The following PDE3A variants were observed in gnomAD, a reference collection of about 807,000 sequenced individuals.
The protein encoded by PDE3A is phosphodiesterase 3A.
A neutral mutation model predicts 98.3 loss-of-function variants in PDE3A; 43 were observed. That is an observed-to-expected ratio of 0.44 (90% CI 0.34 to 0.56). The LOEUF is 0.56. Ranked by LOEUF, PDE3A falls within the 20% of genes least tolerant of loss-of-function variation. The pLI, the probability that PDE3A is intolerant of heterozygous loss-of-function variation, is 0.01. For missense variants in PDE3A, 1,427 were observed against 1,440.7 expected, an observed-to-expected ratio of 0.99 and a Z score of 0.15; for synonymous variants, 663 against 567.9, an observed-to-expected ratio of 1.17 and a Z score of -2.38.
intron 1 of PDE3A, among the ~76,000 whole-genome samples, chr12:20,463,935 A>G (rs1945297334): frequency 1.3e-5 from 2 of 152,142 alleles, no homozygotes; most frequent in South Asian, 4.1e-4. Context: ...AACGAAGACC[A>G]TATGGTATAA....
Position 20,680,225 on chromosome 12 carries a change from G to A in PDE3A, c.3380G>A (p.Gly1127Glu), listed in dbSNP as rs2120495961. ...QAIKEEEEEK[G>E]KPRGEEIPTQ... ...ATCAAGGAAGAAGAAGAAGAGAAAG[G>A]GAAACCAAGAGGCGAGGAGATACCA... The change falls in exon 16 of 16, where the codon GGG (glycine) becomes GAG (glutamate). Residue 1127 changes from glycine to glutamate, a missense_variant. Physicochemically the swap from Gly to Glu is moderately conservative, Grantham distance 98. Coordinates refer to ENST00000359062, the MANE Select transcript of PDE3A (RefSeq NM_000921.5). 6.2e-7 allele frequency: 1 copy of A among 1,613,848 alleles called. No homozygotes were observed. Among genetic ancestry groups the A allele is most frequent in the Non-Finnish European group, 8.5e-7 (1 of 1,179,876 alleles).
At chr12:20,678,531 A>G (rs970957795) in intron 15 of PDE3A, among the ~76,000 whole-genome samples, 1 of 152,180 alleles carries the variant, frequency 6.6e-6, no homozygotes, top group African/African-American at 2.4e-5. Context: ...ATATACAAAA[A>G]GAGAACATTA....
intron 1 of PDE3A, among the ~76,000 whole-genome samples, chr12:20,485,602 G>A (rs1336679035): frequency 1.3e-5 from 2 of 152,104 alleles, no homozygotes; most frequent in Non-Finnish European, 2.9e-5. Context: ...TATTTAGTAA[G>A]AAAATGGACT....
chr12:20,642,842 A>T (rs905196666), intron 10 of PDE3A, among the ~76,000 whole-genome samples: 1 of 152,188 alleles, frequency 6.6e-6, no homozygotes, highest in African/African-American at 2.4e-5. Flanking sequence ...AAGAAAAAAA[A>T]ATATTTAAAG....
chr12:20,653,938 T>C lies in PDE3A; in HGVS notation c.2926-9T>C. 1 of 1,610,292 alleles carries C rather than the reference T, an allele frequency of 6.2e-7. No homozygotes were observed. The highest frequency in any genetic ancestry group is 8.5e-7 in the Non-Finnish European group (1 of 1,177,982). Reference sequence around the variant, plus strand: ...GTGAATGTTGACTTCACTTGTATTTTATTTCTAGGGTGATGAAGAGGCCAG... The same window carrying C: ...GTGAATGTTGACTTCACTTGTATTTCATTTCTAGGGTGATGAAGAGGCCAG... On this transcript the variant is annotated splice_polypyrimidine_tract_variant and intron_variant, in intron 14 of 15. Transcript: ENST00000359062.
intron 1 of PDE3A, among the ~76,000 whole-genome samples, chr12:20,544,138 T>A (rs1458755404): frequency 6.6e-6 from 1 of 150,420 alleles, no homozygotes; most frequent in Non-Finnish European, 1.5e-5. Context: ...TATGCTTACA[T>A]AGAGCATAAG....
Position 20,487,004 on chromosome 12 carries a change from C to T in PDE3A, c.961-69656C>T, listed in dbSNP as rs890947798. 2.0e-5 allele frequency among the ~76,000 whole-genome samples: 3 copies of T among 152,252 alleles called. No individual in the cohort carries two copies. In the East Asian group the frequency reaches 5.8e-4, roughly 29 times the overall value. On this transcript the variant is annotated intron_variant, in intron 1 of 15. Transcript: ENST00000359062. Reference sequence around the variant, plus strand: ...ACGTGTAGAGACTTTCAAAGCATTACTTGAATTTTTTTCATAGTTTTTTAA... The same window carrying T: ...ACGTGTAGAGACTTTCAAAGCATTATTTGAATTTTTTTCATAGTTTTTTAA...
chr12:20,378,945 A>G (rs566324236), intron 1 of PDE3A, among the ~76,000 whole-genome samples: 1 of 151,854 alleles, frequency 6.6e-6, no homozygotes, highest in African/African-American at 2.4e-5. Flanking sequence ...AAGGAATGCC[A>G]TTCTGTCTCT....
At position 20,556,684 on chromosome 12, in the gene PDE3A, C is replaced by T. The variant is rs1327866764; in HGVS notation, c.985C>T (p.His329Tyr). 1.9e-6 allele frequency: 3 copies of T among 1,609,096 alleles called. No homozygotes were observed. Among genetic ancestry groups the T allele is most frequent in the Non-Finnish European group, 8.5e-7 (1 of 1,175,750 alleles). The change falls in exon 2 of 16, where the codon CAC (histidine) becomes TAC (tyrosine). Residue 329 changes from histidine (H) to tyrosine (Y), a missense_variant. Physicochemically the swap from His to Tyr is moderately conservative, Grantham distance 83. Around this residue, in one of 3 missense-constraint regions of PDE3A, gnomAD observed 1,012 missense variants for 886.5 expected, o/e 1.14. Transcript: ENST00000359062. ...GCTCATGGGGCATTCAGAATGGGAC[C>T]ACAAACGAGGGCCAAGAGGATCACA... ...EQLMGHSEWD[H>Y]KRGPRGSQSS...
intron 2 of PDE3A, among the ~76,000 whole-genome samples, chr12:20,610,297 T>A (rs1943817422): frequency 2.0e-5 from 3 of 151,974 alleles, no homozygotes. Context: ...TATGGAAAAG[T>A]GTTTAACATC....
rs913695808 is a variant in PDE3A at position 20,638,824 on chromosome 12, G to A, written c.2140-1022G>A. Among the ~76,000 whole-genome samples the A allele has an allele frequency of 4.0e-5, 6 of 151,766 alleles. No individual in the cohort carries two copies. In the East Asian group the frequency reaches 5.8e-4, roughly 15 times the overall value. On this transcript the variant is annotated intron_variant, in intron 9 of 15. Transcript: ENST00000359062. The stretch of plus-strand genomic sequence containing the variant: ...TTTGATGTATATCTCACAGACTCTC[G>A]AAAACTTAATCTTCATAGTAACTTT...
intron 2 of PDE3A, among the ~76,000 whole-genome samples, chr12:20,572,811 G>A (rs769627228): frequency 6.6e-6 from 1 of 151,976 alleles, no homozygotes; most frequent in South Asian, 2.1e-4. Context: ...TCACTGCCAC[G>A]GTCCTTCCAA....
intron 3 of PDE3A, among the ~76,000 whole-genome samples, chr12:20,615,913 G>A (rs1301816781): frequency 2.6e-5 from 4 of 151,874 alleles, no homozygotes; most frequent in Admixed American, 6.6e-5. Context: ...TTTGGTAGAC[G>A]GGGTTTCACC....
chr12:20,547,150 A>G lies in PDE3A; in HGVS notation c.961-9510A>G, dbSNP rs796443131. On this transcript the variant is annotated intron_variant, in intron 1 of 15. Coordinates refer to ENST00000359062, the MANE Select transcript of PDE3A (RefSeq NM_000921.5). ...CTGGCTCTTTATACAATTATCTGAT[A>G]AAATGTCACTTTTTTCAGAAAGGAC... is the stretch of plus-strand genomic sequence containing the variant. Among the ~76,000 whole-genome samples the G allele has an allele frequency of 3.3e-5, 5 of 152,148 alleles. No homozygotes were observed. In the East Asian group the frequency reaches 9.7e-4, roughly 29 times the overall value.
At position 20,369,952 on chromosome 12, in the gene PDE3A, C is replaced by T; in HGVS notation, c.668C>T (p.Thr223Ile). The T allele has an allele frequency of 6.2e-7, 1 of 1,613,426 alleles. No homozygotes were observed. Among genetic ancestry groups the T allele is most frequent in the Non-Finnish European group, 8.5e-7 (1 of 1,179,998 alleles). The change falls in exon 1 of 16, where the codon ACC becomes ATC. Residue 223 changes from threonine (T) to isoleucine (I), a missense_variant. Physicochemically the swap from Thr to Ile is moderately conservative, Grantham distance 89. Transcript: ENST00000359062. Reference protein sequence around the residue: ...LMIALTSAVRTVSLISLERFK... With the variant: ...LMIALTSAVRIVSLISLERFK... ...ATCGCCTTGACTAGCGCGGTCAGGACCGTGTCCCTCATTTCCTTAGAGAGG... is the reference window on the plus strand; with the variant it reads ...ATCGCCTTGACTAGCGCGGTCAGGATCGTGTCCCTCATTTCCTTAGAGAGG...
rs544297041 is a variant in PDE3A, at chr12:20,552,791, C to A, written c.961-3869C>A. The A allele has an allele frequency of 4.0e-3, 6,478 of 1,614,026 alleles. 21 individuals are homozygous for A. The highest frequency in any genetic ancestry group is 0.018 in the Middle Eastern group (107 of 6,062). On this transcript the variant is annotated intron_variant, in intron 1 of 15. Transcript: ENST00000359062. The surrounding 1 kb of genome is among the most constrained non-coding windows in gnomAD (Gnocchi z 5.1). Reference sequence around the variant, plus strand: ...TTGTTCCTGAGTAAAGTGGAGGAGACGTTCCAGTGTATCTGCTGTCAGGAG... The same window carrying A: ...TTGTTCCTGAGTAAAGTGGAGGAGAAGTTCCAGTGTATCTGCTGTCAGGAG...
At chr12:20,571,787 T>C (rs1942806683) in intron 2 of PDE3A, 1 of 281,452 alleles carries the variant, frequency 3.6e-6, no homozygotes, top group Admixed American at 6.5e-5. Context: ...ACATCCATAA[T>C]GCATTTATCA....
intron 1 of PDE3A, among the ~76,000 whole-genome samples, chr12:20,381,186 TC>T (rs1943657164): frequency 6.6e-6 from 1 of 151,832 alleles, no homozygotes; most frequent in African/African-American, 2.4e-5. Flanking sequence ...TGGTGGAACT[TC>T]CTTAAGCAAT....
intron 1 of PDE3A, among the ~76,000 whole-genome samples, chr12:20,431,637 G>A (rs866098881): frequency 4.9e-4 from 62 of 126,118 alleles, no homozygotes; most frequent in Non-Finnish European, 1.0e-3. Flanking sequence ...ACACACGCAC[G>A]CACAAATGCA....
Sources: gnomAD v4.1 joint callset for allele counts (sites outside exome capture counted in the v4.1 genomes callset) on GRCh38, gnomAD v4.1.1 for gene constraint, gnomAD v4.1.1 regional missense constraint, Gnocchi (gnomAD v3.1) non-coding constraint, MANE v1.5 for transcripts, NCBI Gene and HGNC (gene_info 2026-07-23, HGNC 2026-07-21) for gene names.